Variants in HJURP observed in about 807,000 individuals in gnomAD.
HJURP encodes the protein 14-3-3-associated AKT substrate.
Under a neutral mutation model 72.0 loss-of-function variants are expected in HJURP, and 49 were observed. The observed-to-expected ratio is 0.68, with a 90% confidence interval of 0.54 to 0.86. The LOEUF is 0.86. HJURP is among the 40% of genes least tolerant of loss of function. The probability of loss-of-function intolerance (pLI) is 0.00; values close to 1 mark genes in which losing one functional copy is unlikely to be tolerated. For synonymous variants in HJURP, 357 were observed against 347.1 expected, an observed-to-expected ratio of 1.03 and a Z score of -0.32; for missense variants, 908 against 936.3, an observed-to-expected ratio of 0.97 and a Z score of 0.39.
At position 233,841,322 on chromosome 2, in the gene HJURP, A is replaced by T; in HGVS notation, c.1458T>A (p.Ser486Arg). 6.2e-7 allele frequency: 1 copy of T among 1,613,932 alleles called. No individual in the cohort carries two copies. Among genetic ancestry groups the T allele is most frequent in the Non-Finnish European group, 8.5e-7 (1 of 1,179,988 alleles). Reference protein sequence around the residue: ...GLQGLETRRLSLPSSKAKAKS... With the variant: ...GLQGLETRRLRLPSSKAKAKS... ...TTGCTTTTGCTTTGCTGGAAGGTAA[A>T]CTCAGCCTGCGGGTTTCTAAGCCCT... The change falls in exon 8 of 9, where the codon AGT becomes AGA. Residue 486 changes from serine to arginine, a missense_variant. Transcript: ENST00000411486.
chr2:233,851,184 G>A (rs1261481998), intron 3 of HJURP, among the ~76,000 whole-genome samples: 1 of 152,194 alleles, frequency 6.6e-6, no homozygotes, highest in Non-Finnish European at 1.5e-5. Flanking sequence ...CTGGTCTAAT[G>A]AGTGGACATC....
At chr2:233,845,927 A>G in intron 5 of HJURP, 107 bp from the exon 6 acceptor site, 1 of 704,128 alleles carries the variant, frequency 1.4e-6, no homozygotes, top group East Asian at 2.5e-5. Flanking sequence ...TCTTTACATG[A>G]TCCTACTCAA....
At chr2:233,854,275 A>C in intron 1 of HJURP, 109 bp downstream of exon 1, 1 of 710,350 alleles carries the variant, frequency 1.4e-6, no homozygotes, top group Non-Finnish European at 2.3e-6. Context: ...CCGCTTCCCC[A>C]ACCCCCGCTC....
chr2:233,837,471 G>T lies in HJURP; in HGVS notation c.*106C>A. On this transcript the variant is annotated 3_prime_UTR_variant, in exon 9 of 9. Coordinates refer to ENST00000411486, the MANE Select transcript of HJURP (RefSeq NM_018410.5). ...CCAATTTCACTAATATTTACTTTAA[G>T]GGCAGAGAAGTCAACCAAGTCCTCA... 1.3e-6 allele frequency: 1 copy of T among 760,946 alleles called. No individual in the cohort carries two copies. Among genetic ancestry groups the T allele is most frequent in the Non-Finnish European group, 2.3e-6 (1 of 434,794 alleles). The allele number at this position is 760,946 out of a possible 1,614,324, so 47.1% of individuals were successfully genotyped here. A position where few individuals can be genotyped will look rare whatever the true frequency, so the allele number is the denominator to read the frequency against.
rs560676421 is a variant in HJURP, at chr2:233,837,210, C to G, written c.*367G>C. 4 of 225,152 alleles carry G rather than the reference C, an allele frequency of 1.8e-5. No homozygotes were observed. Among genetic ancestry groups the G allele is most frequent in the East Asian group, 3.0e-4 (2 of 6,634 alleles). The allele number at this position is 225,152 out of a possible 1,614,324, so 13.9% of individuals were successfully genotyped here. A position where few individuals can be genotyped will look rare whatever the true frequency, so the allele number is the denominator to read the frequency against. ...CTGAGGCAGAAGAATCGCTTGAACC[C>G]GGGAGGCGGAAGTTGCAGTGAGCCA... On this transcript the variant is annotated 3_prime_UTR_variant, in exon 9 of 9. Transcript: ENST00000411486.
intron 7 of HJURP, among the ~76,000 whole-genome samples, chr2:233,843,373 G>T (rs6431642): frequency 0.67 from 101,411 of 151,956 alleles, 34,504 homozygotes; most frequent in African/African-American, 0.8. Context: ...AAACATCGAA[G>T]TAAGGTCTTA....
rs543423480 is a variant in HJURP, at chr2:233,840,098, A to G, written c.2171+511T>C. Among the ~76,000 whole-genome samples, 13 of 152,352 alleles carry G rather than the reference A, an allele frequency of 8.5e-5. No homozygotes were observed. The East Asian group carries it at 2.5e-3, about 29-fold the overall frequency. On this transcript the variant is annotated intron_variant, in intron 8 of 8. Coordinates refer to ENST00000411486, the MANE Select transcript of HJURP (RefSeq NM_018410.5). Reference sequence around the variant, plus strand: ...CTGCAGAACAAGGTGCAGAAGTTTTAACACTGAGCACTGAGATATCTGCAG... The same window carrying G: ...CTGCAGAACAAGGTGCAGAAGTTTTGACACTGAGCACTGAGATATCTGCAG...
At chr2:233,847,315 G>T (rs1370130277) in intron 5 of HJURP, 82 bp downstream of exon 5, 3 of 1,076,538 alleles carry the variant, frequency 2.8e-6, no homozygotes, top group Non-Finnish European at 4.3e-6. Flanking sequence ...AGCGCTGCCC[G>T]CCTCAGGCCA....
intron 3 of HJURP, among the ~76,000 whole-genome samples, chr2:233,850,481 T>G (rs1266302335): frequency 2.6e-5 from 4 of 152,060 alleles, no homozygotes; most frequent in Non-Finnish European, 5.9e-5. Flanking sequence ...ATGGCATCGG[T>G]GGGTTCTCAG....
chr2:233,842,298 A>G, intron 7 of HJURP, 93 bp from the exon 8 acceptor site: 2 of 1,139,278 alleles, frequency 1.8e-6, no homozygotes, highest in Non-Finnish European at 2.5e-6. Context: ...GATCAGGACT[A>G]TGTTTTTTTA....
chr2:233,849,797 AG>A lies in HJURP; in HGVS notation c.302del (p.Pro101LeufsTer33). ...GGACTGTGCGGTGCGAGGGAAGCTC[AG>A]GACCCCAGGCTGCAGCTTGCACGGA... ...DGSVQAAAWG[P>X]ELPSHRTVLG... On this transcript the variant is annotated frameshift_variant, in exon 4 of 9. Transcript: ENST00000411486. LOFTEE classifies it high-confidence loss of function. 1 of 1,555,010 alleles carries A rather than the reference AG, an allele frequency of 6.4e-7. No individual in the cohort carries two copies. Among genetic ancestry groups the A allele is most frequent in the Non-Finnish European group, 8.7e-7 (1 of 1,148,748 alleles).
chr2:233,854,256 G>T, intron 1 of HJURP, 128 bp downstream of exon 1: 1 of 636,612 alleles, frequency 1.6e-6, no homozygotes, highest in Non-Finnish European at 2.7e-6. Context: ...CCGCATCCAA[G>T]CCCCAGTCCC....
chr2:233,837,393 A>C lies in HJURP; in HGVS notation c.*184T>G. ...AGAACCCTAAAAATTCTAATTGAGC[A>C]ACTTTATTCACATAATTTCTACACC... is the stretch of plus-strand genomic sequence containing the variant. On this transcript the variant is annotated 3_prime_UTR_variant, in exon 9 of 9. Coordinates refer to ENST00000411486, the MANE Select transcript of HJURP (RefSeq NM_018410.5). 2.0e-6 allele frequency: 1 copy of C among 489,400 alleles called. No individual in the cohort carries two copies. Among genetic ancestry groups the C allele is most frequent in the South Asian group, 3.0e-5 (1 of 33,408 alleles). 30.3% of individuals were successfully genotyped at this position (489,400 alleles called of 1,614,324 possible).
In HJURP at chr2:233,846,856, G is replaced by A. The variant is rs192285745; in HGVS notation, c.402+541C>T. ...ATTCGCATCTATCCCAACCAAGGAG[G>A]ATAAGAAGCACATCCCATAAGAAAA... On this transcript the variant is annotated intron_variant, in intron 5 of 8. Coordinates refer to ENST00000411486, the MANE Select transcript of HJURP (RefSeq NM_018410.5). This position sits in a 1 kb window ranked among gnomAD's most constrained non-coding sequence, Gnocchi z 4.3. 2.0e-5 allele frequency among the ~76,000 whole-genome samples: 3 copies of A among 152,328 alleles called. No individual in the cohort carries two copies. The highest frequency in any genetic ancestry group is 2.0e-4 in the Admixed American group (3 of 15,308).
Position 233,841,291 on chromosome 2 carries a change from A to C in HJURP, c.1489T>G (p.Leu497Val), listed in dbSNP as rs780858904. 29 of 1,613,916 alleles carry C rather than the reference A, an allele frequency of 1.8e-5. No individual in the cohort carries two copies. The highest frequency in any genetic ancestry group is 1.7e-6 in the Non-Finnish European group (2 of 1,179,964). ...LPSSKAKAKS[L>V]SEAFENLGKR... The stretch of plus-strand genomic sequence containing the variant: ...CCTAGGTTTTCAAAAGCCTCACTTA[A>C]ACTTTTTGCTTTTGCTTTGCTGGAA... The change falls in exon 8 of 9, where the codon TTA becomes GTA. Residue 497 changes from leucine (L) to valine (V), a missense_variant. By Grantham distance (32) the Leu-to-Val change is conservative. Around this residue, in one of 3 missense-constraint regions of HJURP, gnomAD observed 598 missense variants for 619.5 expected, o/e 0.97. Coordinates refer to ENST00000411486, the MANE Select transcript of HJURP (RefSeq NM_018410.5).
At chr2:233,837,717 C>A (rs1705113014) in intron 8 of HJURP, 65 bp from the exon 9 acceptor site, 2 of 1,027,044 alleles carry the variant, frequency 1.9e-6, no homozygotes, top group Non-Finnish European at 3.0e-6. Flanking sequence ...ATGCCAGCCA[C>A]TAAAAGGTTA....
At chr2:233,848,359 G>A (rs1319982769) in intron 4 of HJURP, among the ~76,000 whole-genome samples, 1 of 152,216 alleles carries the variant, frequency 6.6e-6, no homozygotes, top group Non-Finnish European at 1.5e-5. Flanking sequence ...GGTCAGGCAG[G>A]ACTTCAGGCC....
At chr2:233,850,647 G>T (rs1269747970) in intron 3 of HJURP, among the ~76,000 whole-genome samples, 1 of 152,180 alleles carries the variant, frequency 6.6e-6, no homozygotes, top group Non-Finnish European at 1.5e-5. Context: ...GAGGACTTGG[G>T]GCTACCCAGG....
At chr2:233,852,642 G>A (rs1221889762) in intron 2 of HJURP, 22 bp from the exon 3 acceptor site, 2 of 1,565,086 alleles carry the variant, frequency 1.3e-6, no homozygotes, top group South Asian at 2.2e-5. Flanking sequence ...AAACAAAAAT[G>A]ACCATTTACA....
Sources: allele counts gnomAD v4.1 joint callset (sites outside exome capture counted in the v4.1 genomes callset), GRCh38; gene constraint gnomAD v4.1.1; regional missense constraint gnomAD v4.1.1; non-coding constraint Gnocchi (gnomAD v3.1); transcripts MANE v1.5; gene names NCBI Gene and HGNC (gene_info 2026-07-23, HGNC 2026-07-21).